HSPA12A: variants seen among roughly 807,000 people sequenced by gnomAD.
The protein encoded by HSPA12A is heat shock protein family A (Hsp70) member 12A.
Under a neutral mutation model 69.2 loss-of-function variants are expected in HSPA12A, and 28 were observed. The observed-to-expected ratio is 0.40, with a 90% CI of 0.30 to 0.55. The LOEUF is 0.55. HSPA12A is among the 20% of genes least tolerant of loss of function. The pLI is 0.38. For synonymous variants in HSPA12A, 345 were observed against 370.5 expected, an observed-to-expected ratio of 0.93 and a Z score of 0.79; for missense variants, 686 against 900.7, an observed-to-expected ratio of 0.76 and a Z score of 3.05.
At chr10:116,714,742 G>T (rs1554883579) in intron 1 of HSPA12A, among the ~76,000 whole-genome samples, 1 of 152,124 alleles carries the variant, frequency 6.6e-6, no homozygotes, top group African/African-American at 2.4e-5. Context: ...ACCTTCCTCT[G>T]CAGTCTCTTC....
rs1488274172 is a variant in HSPA12A at position 116,795,529 on chromosome 10, T to C, written c.91+39406A>G. Among the ~76,000 whole-genome samples, 3 of 119,656 alleles carry C rather than the reference T, an allele frequency of 2.5e-5. No individual in the cohort carries two copies. The East Asian group carries it at 7.9e-4, about 32-fold the overall frequency. 78.5% of individuals were successfully genotyped at this position (119,656 alleles called of 152,430 possible). A position where few individuals can be genotyped will look rare whatever the true frequency, so the allele number is the denominator to read the frequency against. ...CCTGCCGCTACTAAAAAAAAAAAAA[T>C]ACAAAAATTAGCCAGGCGTGGTGGA... is the stretch of plus-strand genomic sequence containing the variant. On this transcript the variant is annotated intron_variant, in intron 2 of 12. Transcript: ENST00000635765.
At chr10:116,704,173 C>T (rs202066770) in intron 3 of HSPA12A, among the ~76,000 whole-genome samples, 6 of 152,086 alleles carry the variant, frequency 3.9e-5, no homozygotes, top group Non-Finnish European at 7.3e-5. Flanking sequence ...ATGTTTATAG[C>T]GGCACTATTC....
chr10:116,690,801 C>CT (rs111936724), intron 6 of HSPA12A, among the ~76,000 whole-genome samples: 8,014 of 148,276 alleles, frequency 0.054, 722 homozygotes, highest in African/African-American at 0.19. Flanking sequence ...CTGCACCTCT[C>CT]TTTTTTTTTT....
At chr10:116,792,825 G>GAAAGAAAGAA (rs1554892998) in intron 2 of HSPA12A, among the ~76,000 whole-genome samples, 1 of 150,244 alleles carries the variant, frequency 6.7e-6, no homozygotes, top group East Asian at 2.0e-4. Flanking sequence ...AAGAAAGAAA[G>GAAAGAAAGAA]AAAGAAAAAG....
chr10:116,698,630 C>T lies in HSPA12A; in HGVS notation c.546+5G>A, dbSNP rs1343067802. The T allele has an allele frequency of 2.5e-6, 4 of 1,610,132 alleles. No individual in the cohort carries two copies. The highest frequency in any genetic ancestry group is 3.4e-6 in the Non-Finnish European group (4 of 1,176,972). ...CAGCTGGCTGGCCTCAACTATCAGT[C>T]CTACCTTCAGCGCCTGCTCCTTAAA... is the stretch of plus-strand genomic sequence containing the variant. On this transcript the variant is annotated splice_donor_5th_base_variant and intron_variant, in intron 5 of 11. Transcript: ENST00000369209.
intron 2 of HSPA12A, among the ~76,000 whole-genome samples, chr10:116,788,301 T>C (rs1165648774): frequency 1.3e-5 from 2 of 152,096 alleles, no homozygotes; most frequent in Non-Finnish European, 2.9e-5. Flanking sequence ...CGCTTGAGTG[T>C]TCCAAACGGG....
upstream of HSPA12A, chr10:116,850,005 G>C (rs2133236529): frequency 3.2e-6 from 2 of 619,862 alleles, no homozygotes; most frequent in South Asian, 3.5e-5. Flanking sequence ...CCAGGGGCTG[G>C]CAGGCTTCCT....
intron 1 of HSPA12A, among the ~76,000 whole-genome samples, chr10:116,716,195 T>C (rs1554883760): frequency 6.6e-6 from 1 of 151,922 alleles, no homozygotes; most frequent in African/African-American, 2.4e-5. Context: ...CCCCTCCATG[T>C]CTGAGAAACA....
rs565064903 is a variant in HSPA12A, at chr10:116,803,997, G to A, written c.91+30938C>T. ...TCCTAAGTACACGGAGAAGCAAAATGTGAGAATCTCCCCTTAGCCCCTCCT... is the reference window on the plus strand; with the variant it reads ...TCCTAAGTACACGGAGAAGCAAAATATGAGAATCTCCCCTTAGCCCCTCCT... On this transcript the variant is annotated intron_variant, in intron 2 of 12. Coordinates refer to the HSPA12A transcript ENST00000635765. 1.9e-3 allele frequency among the ~76,000 whole-genome samples: 283 copies of A among 152,190 alleles called. 1 individual carries two copies. Among genetic ancestry groups the A allele is most frequent in the African/African-American group, 6.0e-3 (251 of 41,532 alleles).
intron 2 of HSPA12A, among the ~76,000 whole-genome samples, chr10:116,790,426 C>T (rs778491351): frequency 3.3e-5 from 5 of 152,018 alleles, no homozygotes; most frequent in African/African-American, 9.6e-5. Context: ...TCTAACCTCA[C>T]GTCTCCCTCC....
intron 2 of HSPA12A, among the ~76,000 whole-genome samples, chr10:116,813,178 G>A (rs1304107374): frequency 1.3e-5 from 2 of 151,724 alleles, no homozygotes; most frequent in Non-Finnish European, 2.9e-5. Context: ...CAAGAGCTAA[G>A]GTCCTGAGGA....
intron 2 of HSPA12A, among the ~76,000 whole-genome samples, chr10:116,828,242 A>G (rs1845547196): frequency 6.6e-6 from 1 of 152,214 alleles, no homozygotes; most frequent in South Asian, 2.1e-4. Flanking sequence ...GCAGACTTCA[A>G]ACAAGCAGGA....
chr10:116,736,773 C>T (rs61874863), intron 1 of HSPA12A, among the ~76,000 whole-genome samples: 5 of 152,188 alleles, frequency 3.3e-5, no homozygotes, highest in Non-Finnish European at 7.3e-5. Flanking sequence ...GTTCTGCCAA[C>T]ACCTTGGTTT....
At chr10:116,744,848 G>A (rs571205206), upstream of HSPA12A, among the ~76,000 whole-genome samples, 7 of 152,328 alleles carry the variant, frequency 4.6e-5, no homozygotes, top group East Asian at 1.4e-3. Flanking sequence ...TGGGGTTCAA[G>A]GCTCAGCACG....
intron 2 of HSPA12A, among the ~76,000 whole-genome samples, chr10:116,809,074 G>A (rs1425624417): frequency 6.6e-6 from 1 of 152,158 alleles, no homozygotes; most frequent in Non-Finnish European, 1.5e-5. Context: ...TGCTTCCTGG[G>A]ACACCTGCCG....
intron 1 of HSPA12A, among the ~76,000 whole-genome samples, chr10:116,729,509 T>C (rs782763851): frequency 6.6e-5 from 10 of 152,130 alleles, no homozygotes; most frequent in Non-Finnish European, 1.3e-4. Flanking sequence ...CATATAACTT[T>C]TGACCCCCCC....
chr10:116,779,178 C>T (rs1208311006), intron 2 of HSPA12A, among the ~76,000 whole-genome samples: 3 of 152,196 alleles, frequency 2.0e-5, no homozygotes, highest in Non-Finnish European at 4.4e-5. Context: ...ACATCGTGAG[C>T]GACACATCGT....
chr10:116,805,038 C>T (rs1197117322), intron 2 of HSPA12A, among the ~76,000 whole-genome samples: 2 of 152,140 alleles, frequency 1.3e-5, no homozygotes, highest in African/African-American at 4.8e-5. Context: ...GAATGTTGGA[C>T]GGGCGCGGTG....
chr10:116,783,695 T>C (rs1844514218), intron 2 of HSPA12A, among the ~76,000 whole-genome samples: 1 of 152,222 alleles, frequency 6.6e-6, no homozygotes. Flanking sequence ...AGGAACAGAA[T>C]GGTGTGTTAG....
Sources: gnomAD v4.1 joint callset for allele counts (sites outside exome capture counted in the v4.1 genomes callset) on GRCh38, gnomAD v4.1.1 for gene constraint, MANE v1.5 for transcripts, NCBI Gene and HGNC (gene_info 2026-07-23, HGNC 2026-07-21) for gene names.